The following FGF13 variants were observed in gnomAD, a reference collection of about 807,000 sequenced individuals.
FGF13 encodes the protein fibroblast growth factor homologous factor 2.
In FGF13, 2 loss-of-function variants were observed where a neutral mutation model predicts 19.5. The observed-to-expected ratio is 0.10, with a 90% confidence interval of 0.04 to 0.32. The LOEUF is 0.32. FGF13 is among the 10% of genes least tolerant of loss of function. The pLI is 1.00. For missense variants in FGF13, 113 were observed against 192.7 expected, an observed-to-expected ratio of 0.59 and a Z score of 2.45; for synonymous variants, 72 against 76.9, an observed-to-expected ratio of 0.94 and a Z score of 0.33.
chrX:138,789,470 G>T (rs764726297), intron 3 of FGF13, among the ~76,000 whole-genome samples: 4 of 108,909 alleles, frequency 3.7e-5, no homozygotes, highest in Admixed American at 2.9e-4. Flanking sequence ...GTCAGCCACC[G>T]CGCCCAGCCC....
At chrX:138,641,024 G>A (rs2089245914) in intron 3 of FGF13, among the ~76,000 whole-genome samples, 1 of 111,866 alleles carries the variant, frequency 8.9e-6, no homozygotes, top group Non-Finnish European at 1.9e-5. Flanking sequence ...TACTGAAGTT[G>A]TCCATACATA....
intron 3 of FGF13, among the ~76,000 whole-genome samples, chrX:138,798,943 T>C (rs192787685): frequency 5.5e-4 from 62 of 111,771 alleles, no homozygotes; most frequent in Non-Finnish European, 9.6e-4. Flanking sequence ...GTTTATTTGA[T>C]TCTTCTCTCT....
At chrX:138,744,665 T>C (rs1266395190) in intron 3 of FGF13, among the ~76,000 whole-genome samples, 1 of 111,216 alleles carries the variant, frequency 9.0e-6, no homozygotes, top group African/African-American at 3.3e-5. Flanking sequence ...AAACATTAAC[T>C]GAGTCCTTAC....
chrX:138,729,025 T>C (rs1165408011), intron 1 of FGF13, among the ~76,000 whole-genome samples: 1 of 111,682 alleles, frequency 9.0e-6, no homozygotes, highest in Non-Finnish European at 1.9e-5. Context: ...AATGGCCTAA[T>C]AGAAGAAAAG....
chrX:138,727,072 G>A (rs1221427720), intron 1 of FGF13, among the ~76,000 whole-genome samples: 1 of 110,990 alleles, frequency 9.0e-6, no homozygotes, highest in African/African-American at 3.3e-5. Context: ...GGTATTATGT[G>A]TATCTCATTT....
intron 1 of FGF13, among the ~76,000 whole-genome samples, chrX:139,051,367 A>C (rs1198652360): frequency 1.8e-5 from 2 of 111,729 alleles, no homozygotes; most frequent in Non-Finnish European, 3.8e-5. Flanking sequence ...GTGTATCCTA[A>C]GTCAGGATCA....
At chrX:139,009,545 C>T (rs1192437606) in intron 1 of FGF13, among the ~76,000 whole-genome samples, 1 of 111,396 alleles carries the variant, frequency 9.0e-6, no homozygotes, top group Admixed American at 9.6e-5. Flanking sequence ...TTGTATCCAG[C>T]AAAACTAAGC....
intron 1 of FGF13, among the ~76,000 whole-genome samples, chrX:138,716,771 A>G (rs1439210298): frequency 9.0e-6 from 1 of 111,678 alleles, no homozygotes; most frequent in Non-Finnish European, 1.9e-5. Flanking sequence ...TAGGGGAGTT[A>G]TACTTCAGAA....
chrX:138,894,020 T>C (rs1438008537), intron 1 of FGF13, among the ~76,000 whole-genome samples: 1 of 111,868 alleles, frequency 8.9e-6, no homozygotes, highest in Admixed American at 9.5e-5. Context: ...AAGTTCTACA[T>C]AGAAAAGACA....
intron 1 of FGF13, among the ~76,000 whole-genome samples, chrX:139,129,333 G>GT (rs1237720703): frequency 9.0e-6 from 1 of 110,903 alleles, no homozygotes; most frequent in Non-Finnish European, 1.9e-5. Context: ...AAGAATATGT[G>GT]TATTTTAAGG....
rs548607535 is a variant in FGF13, at chrX:139,100,991, C to CA, written c.-113+102424dup. Among the ~76,000 whole-genome samples, 149 of 111,490 alleles carry CA rather than the reference C, an allele frequency of 1.3e-3. No homozygotes were observed. In the South Asian group the frequency reaches 0.015, roughly 11 times the overall value. Reference sequence around the variant, plus strand: ...TATGGCTTAGCATCTCAAAAAGACACAAAAAATCAAGCAAGAAGAGCAATC... The same window carrying CA: ...TATGGCTTAGCATCTCAAAAAGACACAAAAAAATCAAGCAAGAAGAGCAATC... On this transcript the variant is annotated intron_variant, in intron 1 of 2. Coordinates refer to the FGF13 transcript ENST00000421460.
intron 3 of FGF13, among the ~76,000 whole-genome samples, chrX:138,650,760 C>A (rs1292544634): frequency 9.0e-6 from 1 of 111,535 alleles, no homozygotes; most frequent in Non-Finnish European, 1.9e-5. Context: ...TGTGTTGTGA[C>A]CATTCAAAAA....
intron 1 of FGF13, among the ~76,000 whole-genome samples, chrX:139,006,687 T>C (rs1284392602): frequency 7.2e-5 from 8 of 111,087 alleles, no homozygotes; most frequent in Non-Finnish European, 1.1e-4. Flanking sequence ...AGTTAAAAAG[T>C]GGGGGGATGA....
At chrX:138,991,056 C>T (rs775520313) in intron 1 of FGF13, among the ~76,000 whole-genome samples, 1 of 111,732 alleles carries the variant, frequency 8.9e-6, no homozygotes, top group African/African-American at 3.3e-5. Flanking sequence ...CCAGTGCAGG[C>T]CCACAGTTAC....
At chrX:139,013,525 A>G (rs961080013) in intron 1 of FGF13, among the ~76,000 whole-genome samples, 8 of 54,110 alleles carry the variant, frequency 1.5e-4, no homozygotes, top group Non-Finnish European at 2.5e-4. Context: ...ATATATATAT[A>G]TATATAAAAT....
At chrX:138,669,752 T>G (rs2089593205) in intron 3 of FGF13, among the ~76,000 whole-genome samples, 1 of 111,709 alleles carries the variant, frequency 9.0e-6, no homozygotes, top group African/African-American at 3.3e-5. Flanking sequence ...GGATTTCTCC[T>G]ATGTGCATAA....
Position 138,694,360 on chromosome X carries a change from G to A in FGF13, c.402+8624C>T, listed in dbSNP as rs139927198. Among the ~76,000 whole-genome samples, 934 of 110,755 alleles carry A rather than the reference G, an allele frequency of 8.4e-3. 8 individuals are homozygous for A. The highest frequency in any genetic ancestry group is 0.018 in the South Asian group (48 of 2,637). Reference sequence around the variant, plus strand: ...TATTTAAGCCCAGTGACTAGAATGCGGAATCCAGAAATTGCTGCCAGATCA... The same window carrying A: ...TATTTAAGCCCAGTGACTAGAATGCAGAATCCAGAAATTGCTGCCAGATCA... On this transcript the variant is annotated intron_variant, in intron 3 of 4. Coordinates refer to ENST00000315930, the MANE Select transcript of FGF13 (RefSeq NM_004114.5).
At chrX:138,836,969 T>G (rs1456991212) in intron 3 of FGF13, among the ~76,000 whole-genome samples, 1 of 110,208 alleles carries the variant, frequency 9.1e-6, no homozygotes, top group Non-Finnish European at 1.9e-5. Flanking sequence ...TCTAGTAGAC[T>G]TGGATTTGCC....
chrX:139,028,662 AGAAAGAG>A (rs747752031), intron 1 of FGF13, among the ~76,000 whole-genome samples: 2 of 76,097 alleles, frequency 2.6e-5, no homozygotes, highest in South Asian at 1.4e-3. Flanking sequence ...AGAGAGAGAG[AGAAAGAG>A]AGAGTGTGTG....
Sources: allele counts gnomAD v4.1 joint callset (sites outside exome capture counted in the v4.1 genomes callset), GRCh38; gene constraint gnomAD v4.1.1; transcripts MANE v1.5; gene names NCBI Gene and HGNC (gene_info 2026-07-23, HGNC 2026-07-21).